Variants in RALGAPA1 observed in about 807,000 individuals in gnomAD.
RALGAPA1 encodes the protein ral GTPase-activating protein subunit alpha-1.
Under a neutral mutation model 269.6 loss-of-function variants are expected in RALGAPA1, and 52 were observed. That is an observed-to-expected ratio of 0.19 (90% CI 0.15 to 0.24). The LOEUF (loss-of-function observed/expected upper bound fraction) is 0.24, where lower values mean the gene tolerates loss of function less well. Among genes scored for constraint, RALGAPA1 ranks in the 10% least tolerant of loss-of-function variants. The probability of loss-of-function intolerance (pLI) is 1.00; values close to 1 mark genes in which losing one functional copy is unlikely to be tolerated. For missense variants in RALGAPA1, 1,917 were observed against 3,013.9 expected (o/e 0.64, Z 8.52); for synonymous variants, 817 against 1,008.3 (o/e 0.81, Z 3.60).
chr14:35,607,270 G>C (rs1356193545), intron 35 of RALGAPA1, among the ~76,000 whole-genome samples: 3 of 152,080 alleles, frequency 2.0e-5, no homozygotes, highest in Non-Finnish European at 4.4e-5. Context: ...CAGAAGTTTT[G>C]CCCTGGGCAT....
At chr14:35,570,054 G>A (rs964302875) in intron 39 of RALGAPA1, among the ~76,000 whole-genome samples, 3 of 151,052 alleles carry the variant, frequency 2.0e-5, no homozygotes, top group Admixed American at 6.6e-5. Context: ...CGGATCACCC[G>A]AGGTCAGGAG....
At chr14:35,557,715 G>A (rs1012951444) in intron 39 of RALGAPA1, among the ~76,000 whole-genome samples, 1 of 152,078 alleles carries the variant, frequency 6.6e-6, no homozygotes, top group African/African-American at 2.4e-5. Context: ...GAGAACACAG[G>A]ATATGGAATA....
intron 17 of RALGAPA1, among the ~76,000 whole-genome samples, chr14:35,697,253 C>A (rs1304065930): frequency 6.6e-6 from 1 of 152,166 alleles, no homozygotes; most frequent in Non-Finnish European, 1.5e-5. Flanking sequence ...ACCTTAATGG[C>A]ACAGGATATC....
chr14:35,622,628 A>G (rs906988764), intron 35 of RALGAPA1, among the ~76,000 whole-genome samples: 29 of 152,264 alleles, frequency 1.9e-4, no homozygotes, highest in African/African-American at 7.0e-4. Flanking sequence ...AGAGCTTAAT[A>G]TTTAATAAAG....
intron 1 of RALGAPA1, among the ~76,000 whole-genome samples, chr14:35,800,878 G>A (rs1429329455): frequency 6.6e-6 from 1 of 152,020 alleles, no homozygotes; most frequent in Non-Finnish European, 1.5e-5. Flanking sequence ...GGTGGCGCAT[G>A]CCTGTAGTCC....
Position 35,635,577 on chromosome 14 carries a change from A to C in RALGAPA1, c.5698T>G (p.Cys1900Gly). 6.3e-6 allele frequency: 10 copies of C among 1,590,104 alleles called. No individual in the cohort carries two copies. The highest frequency in any genetic ancestry group is 8.6e-6 in the Non-Finnish European group (10 of 1,169,098). The change falls in exon 32 of 42, where the codon TGC (cysteine) becomes GGC (glycine). Residue 1900 changes from cysteine to glycine, a missense_variant. Coordinates refer to ENST00000680220, the MANE Select transcript of RALGAPA1 (RefSeq NM_001346249.2). ...DKRLVVSLLLCLLDWIMALPL... is the reference protein window; with the variant it reads ...DKRLVVSLLLGLLDWIMALPL... ...AAGGCCATGATCCAGTCCAGAAGGC[A>C]GAGAAGTAAAGATACTACCAACTGT...
intron 1 of RALGAPA1, among the ~76,000 whole-genome samples, chr14:35,779,499 G>C (rs542098466): frequency 4.9e-4 from 75 of 151,946 alleles, no homozygotes; most frequent in Middle Eastern, 6.8e-3. Context: ...ATGCACTCCA[G>C]TCTAGGCAAC....
In RALGAPA1 at chr14:35,557,098, A is replaced by ATGTGTGTGTGTG. The variant is rs56835063; in HGVS notation, c.7497-7876_7497-7865dup. Among the ~76,000 whole-genome samples the ATGTGTGTGTGTG allele has an allele frequency of 2.2e-3, 308 of 142,514 alleles. 1 individual carries two copies. The highest frequency in any genetic ancestry group is 5.3e-3 in the Admixed American group (74 of 13,916). The allele number at this position is 142,514 out of a possible 152,430, so 93.5% of individuals were successfully genotyped here. ...GCACTAATATGATTATCCAATATGTATGTGTGTGTGTGTGTGTGTGTGTGT... is the reference window on the plus strand; with the variant it reads ...GCACTAATATGATTATCCAATATGTATGTGTGTGTGTGTGTGTGTGTGTGTGTGTGTGTGTGT... On this transcript the variant is annotated intron_variant, in intron 39 of 41. Coordinates refer to ENST00000680220, the MANE Select transcript of RALGAPA1 (RefSeq NM_001346249.2).
At chr14:35,794,532 C>T (rs1274752290) in intron 1 of RALGAPA1, among the ~76,000 whole-genome samples, 1 of 152,150 alleles carries the variant, frequency 6.6e-6, no homozygotes, top group Non-Finnish European at 1.5e-5. Context: ...TCTCGGCTCA[C>T]TGCAAGCTCC....
intron 39 of RALGAPA1, chr14:35,564,544 G>C (rs536503632): frequency 6.6e-6 from 1 of 152,092 alleles, no homozygotes; most frequent in Non-Finnish European, 1.5e-5. Flanking sequence ...AATAATCACT[G>C]ACTTCTGGTA....
intron 39 of RALGAPA1, among the ~76,000 whole-genome samples, chr14:35,554,934 T>C (rs2055455133): frequency 6.6e-6 from 1 of 152,192 alleles, no homozygotes; most frequent in Non-Finnish European, 1.5e-5. Flanking sequence ...GGTTTGATAG[T>C]AGATTAGGAG....
intron 36 of RALGAPA1, among the ~76,000 whole-genome samples, chr14:35,604,891 T>A (rs987644818): frequency 6.6e-6 from 1 of 152,140 alleles, no homozygotes; most frequent in Admixed American, 6.5e-5. Flanking sequence ...TCAATTCAAA[T>A]AAACATACTT....
intron 12 of RALGAPA1, among the ~76,000 whole-genome samples, chr14:35,730,295 G>A (rs7158451): frequency 0.04 from 6,147 of 152,168 alleles, 356 homozygotes; most frequent in African/African-American, 0.12. Context: ...CCTTTGGGAG[G>A]GTGGCCAGAG....
At chr14:35,805,280 A>G (rs571154521) in intron 1 of RALGAPA1, among the ~76,000 whole-genome samples, 2 of 151,838 alleles carry the variant, frequency 1.3e-5, no homozygotes, top group African/African-American at 4.8e-5. Flanking sequence ...AAAGAAAAAA[A>G]AAAAAGAAAA....
At position 35,543,017 on chromosome 14, in the gene RALGAPA1, C is replaced by G. The variant is rs189778058; in HGVS notation, c.*24-3327G>C. Among the ~76,000 whole-genome samples the G allele has an allele frequency of 3.9e-5, 6 of 152,120 alleles. No homozygotes were observed. In the East Asian group the frequency reaches 1.2e-3, roughly 29 times the overall value. ...CTGCTAATTATTGGGCAGATATAGC[C>G]CTATAAAATATTATATCTTTAAAAG... On this transcript the variant is annotated intron_variant, in intron 41 of 41. Transcript: ENST00000680220.
chr14:35,759,861 A>G (rs537842255), intron 6 of RALGAPA1, among the ~76,000 whole-genome samples: 5 of 151,400 alleles, frequency 3.3e-5, no homozygotes, highest in Non-Finnish European at 7.4e-5. Context: ...GCAGTGAGCC[A>G]AGGCCATGCC....
intron 33 of RALGAPA1, among the ~76,000 whole-genome samples, chr14:35,634,209 T>C (rs1389604539): frequency 6.6e-6 from 1 of 152,178 alleles, no homozygotes. Context: ...GTTGGCATGA[T>C]GCTCAAAGGA....
At chr14:35,803,512 G>T (rs529541931) in intron 1 of RALGAPA1, among the ~76,000 whole-genome samples, 2 of 151,800 alleles carry the variant, frequency 1.3e-5, no homozygotes, top group African/African-American at 4.8e-5. Context: ...CTTCTTCAAA[G>T]AAACAACTTC....
chr14:35,725,662 T>A (rs1213811779), intron 13 of RALGAPA1, among the ~76,000 whole-genome samples: 3 of 150,348 alleles, frequency 2.0e-5, no homozygotes, highest in African/African-American at 7.4e-5. Flanking sequence ...AATTAATAGA[T>A]CACAAAGAAG....
Sources: allele counts gnomAD v4.1 joint callset (sites outside exome capture counted in the v4.1 genomes callset), GRCh38; gene constraint gnomAD v4.1.1; transcripts MANE v1.5; gene names NCBI Gene and HGNC (gene_info 2026-07-23, HGNC 2026-07-21).